Variants in SHISA9 observed in about 807,000 individuals in gnomAD.
SHISA9 encodes shisa family member 9.
SHISA9 carries 13 observed loss-of-function variants against 38.0 expected under a neutral mutation model. The observed-to-expected ratio is 0.34, with a 90% CI of 0.22 to 0.54. The LOEUF is 0.54. Ranked by LOEUF, SHISA9 falls within the 20% of genes least tolerant of loss-of-function variation. The pLI, the probability that SHISA9 is intolerant of heterozygous loss-of-function variation, is 0.91. For synonymous variants in SHISA9, 275 were observed against 242.0 expected (o/e 1.14, Z -1.27); for missense variants, 538 against 575.8 (o/e 0.93, Z 0.67).
At chr16:13,052,888 T>A (rs2073267913) in intron 2 of SHISA9, among the ~76,000 whole-genome samples, 2 of 152,080 alleles carry the variant, frequency 1.3e-5, no homozygotes, top group Admixed American at 6.5e-5. Context: ...TTGGAGAATT[T>A]AAGTTAATTA....
At chr16:13,387,742 C>T in the SHISA9 span, among the ~76,000 whole-genome samples, 4 of 152,108 alleles carry the variant, frequency 2.6e-5, no homozygotes, top group South Asian at 2.1e-4. Context: ...CCCGCCTCGG[C>T]CTCCCAAAGT....
intron 2 of SHISA9, among the ~76,000 whole-genome samples, chr16:13,153,319 A>C (rs944860020): frequency 1.3e-5 from 2 of 152,186 alleles, no homozygotes; most frequent in Admixed American, 6.5e-5. Flanking sequence ...GTGTGCCTTT[A>C]AATGTTTGTT....
chr16:12,952,301 C>G (rs1371659374), intron 2 of SHISA9, among the ~76,000 whole-genome samples: 3 of 152,206 alleles, frequency 2.0e-5, no homozygotes, highest in Non-Finnish European at 1.5e-5. Context: ...TCCACTGGGC[C>G]TGTGCATCTC....
the SHISA9 span, among the ~76,000 whole-genome samples, chr16:13,364,413 T>C: frequency 6.6e-6 from 1 of 152,230 alleles, no homozygotes; most frequent in Non-Finnish European, 1.5e-5. Context: ...ACAAGAGATA[T>C]TTTTGCATTC....
chr16:13,441,415 A>G, the SHISA9 span, among the ~76,000 whole-genome samples: 1 of 152,116 alleles, frequency 6.6e-6, no homozygotes, highest in Non-Finnish European at 1.5e-5. Context: ...TCATCTAAGA[A>G]TCTGTGTTTG....
chr16:13,462,633 T>G, the SHISA9 span, among the ~76,000 whole-genome samples: 2 of 152,054 alleles, frequency 1.3e-5, no homozygotes, highest in Non-Finnish European at 2.9e-5. Flanking sequence ...GAAACCAGCC[T>G]GGCCAACATG....
chr16:12,951,587 C>T (rs983357781), intron 2 of SHISA9, among the ~76,000 whole-genome samples: 2 of 152,166 alleles, frequency 1.3e-5, no homozygotes, highest in East Asian at 3.9e-4. Flanking sequence ...AAAAAATCAG[C>T]TGTGAACTGT....
At chr16:13,538,061 T>G in the SHISA9 span, among the ~76,000 whole-genome samples, 1 of 152,210 alleles carries the variant, frequency 6.6e-6, no homozygotes, top group African/African-American at 2.4e-5. Flanking sequence ...TTTCAATTGT[T>G]TTTGAGTTTA....
At chr16:13,069,659 A>T (rs893674080) in intron 2 of SHISA9, among the ~76,000 whole-genome samples, 2 of 152,080 alleles carry the variant, frequency 1.3e-5, no homozygotes, top group Non-Finnish European at 2.9e-5. Context: ...TGTGTGGTGT[A>T]TGTATGTGTG....
intron 2 of SHISA9, among the ~76,000 whole-genome samples, chr16:13,184,098 G>GGGTAGAGGACTGGGTGGAGT (rs1487951983): frequency 1.3e-5 from 2 of 152,090 alleles, no homozygotes; most frequent in East Asian, 1.9e-4. Context: ...GGATTGTTCT[G>GGGTAGAGGACTGGGTGGAGT]TCCCTCCACT....
chr16:13,152,587 T>G (rs1216795409), intron 2 of SHISA9, among the ~76,000 whole-genome samples: 3 of 152,158 alleles, frequency 2.0e-5, no homozygotes, highest in African/African-American at 7.2e-5. Context: ...TTTCCATTAT[T>G]GGGTCACTCA....
chr16:12,914,280 G>A (rs1422590727), intron 1 of SHISA9, among the ~76,000 whole-genome samples: 2 of 151,838 alleles, frequency 1.3e-5, no homozygotes, highest in Non-Finnish European at 2.9e-5. Flanking sequence ...TCCTGACCTC[G>A]TGATCTGCCC....
At chr16:13,201,108 TC>T (rs1313770726) in intron 2 of SHISA9, among the ~76,000 whole-genome samples, 1 of 135,218 alleles carries the variant, frequency 7.4e-6, no homozygotes, top group East Asian at 2.0e-4. Flanking sequence ...AAGTCCAGAT[TC>T]AGGGGTTGTC....
the SHISA9 span, among the ~76,000 whole-genome samples, chr16:13,295,524 C>T: frequency 3.9e-5 from 6 of 152,166 alleles, no homozygotes; most frequent in East Asian, 7.7e-4. Context: ...GACATTGGCC[C>T]GTCCTTCAGA....
At chr16:13,321,956 A>G in the SHISA9 span, among the ~76,000 whole-genome samples, 1 of 152,250 alleles carries the variant, frequency 6.6e-6, no homozygotes, top group Non-Finnish European at 1.5e-5. Flanking sequence ...ACCTGACACA[A>G]TACCTGACAT....
At chr16:13,058,655 C>A (rs1485182161) in intron 2 of SHISA9, among the ~76,000 whole-genome samples, 1 of 152,126 alleles carries the variant, frequency 6.6e-6, no homozygotes, top group Admixed American at 6.6e-5. Context: ...GGAAAAGTGT[C>A]ATCTTTCGAG....
At chr16:13,326,342 C>T in the SHISA9 span, among the ~76,000 whole-genome samples, 1 of 152,186 alleles carries the variant, frequency 6.6e-6, no homozygotes, top group Non-Finnish European at 1.5e-5. Flanking sequence ...GTAAAAGTAA[C>T]TATCATAGTG....
intron 2 of SHISA9, among the ~76,000 whole-genome samples, chr16:13,130,790 T>C (rs991255987): frequency 6.6e-5 from 10 of 152,206 alleles, no homozygotes; most frequent in South Asian, 2.1e-4. Flanking sequence ...ACAGGCAATA[T>C]GTAGAAGACT....
the SHISA9 span, among the ~76,000 whole-genome samples, chr16:13,253,829 G>A: frequency 1.3e-5 from 2 of 152,110 alleles, no homozygotes; most frequent in East Asian, 1.9e-4. Flanking sequence ...AAGGTCAAAA[G>A]GTGACACATT....
Sources: gnomAD v4.1 joint callset for allele counts (sites outside exome capture counted in the v4.1 genomes callset) on GRCh38, gnomAD v4.1.1 for gene constraint, MANE v1.5 for transcripts, NCBI Gene and HGNC (gene_info 2026-07-23, HGNC 2026-07-21) for gene names.